RCSD1: variants seen among roughly 807,000 people sequenced by gnomAD.
RCSD1 encodes capZ-interacting protein.
Under a neutral mutation model 42.5 loss-of-function variants are expected in RCSD1, and 26 were observed. The observed-to-expected ratio is 0.61, with a 90% confidence interval of 0.45 to 0.85. RCSD1 has a LOEUF of 0.85. Among genes scored for constraint, RCSD1 ranks in the 40% least tolerant of loss-of-function variants. The pLI is 0.00. For missense variants in RCSD1, 571 were observed against 528.3 expected (o/e 1.08, Z -0.79); for synonymous variants, 220 against 212.2 (o/e 1.04, Z -0.32).
At chr1:167,698,345 T>G (rs1385005967) in intron 6 of RCSD1, among the ~76,000 whole-genome samples, 1 of 152,190 alleles carries the variant, frequency 6.6e-6, no homozygotes, top group Non-Finnish European at 1.5e-5. Flanking sequence ...AAAGTGCAAG[T>G]GTAGCAGAAA....
chr1:167,640,916 A>G (rs572076078), intron 1 of RCSD1, among the ~76,000 whole-genome samples: 2 of 152,174 alleles, frequency 1.3e-5, no homozygotes, highest in South Asian at 4.1e-4. Flanking sequence ...TGCTATCCAT[A>G]TAAAGGTAAA....
chr1:167,666,695 C>A (rs1297514973), intron 1 of RCSD1, among the ~76,000 whole-genome samples: 3 of 152,210 alleles, frequency 2.0e-5, no homozygotes, highest in Non-Finnish European at 4.4e-5. Flanking sequence ...AGAGAGAGGG[C>A]TGGCCATCAG....
intron 1 of RCSD1, among the ~76,000 whole-genome samples, chr1:167,643,725 AAT>A (rs1658061868): frequency 6.6e-6 from 1 of 152,248 alleles, no homozygotes; most frequent in Non-Finnish European, 1.5e-5. Context: ...GTAAAATGGA[AAT>A]AATGATAACA....
Position 167,704,735 on chromosome 1 carries a change from C to G in RCSD1, c.*39C>G. 6.3e-7 allele frequency: 1 copy of G among 1,599,254 alleles called. No individual in the cohort carries two copies. The highest frequency in any genetic ancestry group is 1.1e-5 in the South Asian group (1 of 90,330). ...GTGCCCCAGTGATGAAGTTGCTGGACACATCTCTTTGCAGGTAGCAGCAAC... is the reference window on the plus strand; with the variant it reads ...GTGCCCCAGTGATGAAGTTGCTGGAGACATCTCTTTGCAGGTAGCAGCAAC... On this transcript the variant is annotated 3_prime_UTR_variant, in exon 7 of 7. Transcript: ENST00000367854.
chr1:167,661,543 A>C (rs531641110), intron 1 of RCSD1, among the ~76,000 whole-genome samples: 6 of 152,368 alleles, frequency 3.9e-5, no homozygotes, highest in Non-Finnish European at 8.8e-5. Flanking sequence ...CTCTGGGTGT[A>C]GTGGCTGGAA....
intron 4 of RCSD1, among the ~76,000 whole-genome samples, chr1:167,692,895 TG>T (rs1659409077): frequency 6.6e-6 from 1 of 151,922 alleles, no homozygotes. Flanking sequence ...GGTGGGAAGG[TG>T]GCCAAGGGGA....
intron 3 of RCSD1, among the ~76,000 whole-genome samples, chr1:167,688,262 G>C (rs73033856): frequency 0.049 from 7,457 of 152,234 alleles, 614 homozygotes; most frequent in African/African-American, 0.17. Context: ...TCAGAAATCA[G>C]TGGTCAGCTG....
At chr1:167,667,705 A>G (rs1658693677) in intron 1 of RCSD1, among the ~76,000 whole-genome samples, 1 of 152,184 alleles carries the variant, frequency 6.6e-6, no homozygotes, top group East Asian at 1.9e-4. Flanking sequence ...GGGAGCTTGG[A>G]CAAGTCACTG....
At chr1:167,687,500 G>A (rs1470967212) in intron 3 of RCSD1, among the ~76,000 whole-genome samples, 1 of 150,022 alleles carries the variant, frequency 6.7e-6, no homozygotes, top group African/African-American at 2.5e-5. Context: ...TCCAGCCTGG[G>A]TGACACAGCA....
intron 1 of RCSD1, among the ~76,000 whole-genome samples, chr1:167,653,852 G>A (rs532888187): frequency 1.3e-5 from 2 of 152,254 alleles, no homozygotes; most frequent in African/African-American, 4.8e-5. Context: ...AGGCATTTGA[G>A]GTAGAAGAAC....
rs376542667 is a variant in RCSD1 at position 167,697,432 on chromosome 1, G to A, written c.808G>A (p.Glu270Lys). ...TGAAAAGGCCAGGCGGAGTTCAGAG[G>A]AGGTGGACGGCCAGCACCCGGCCCA... ...NGEKARRSSEEVDGQHPAQEE... is the reference protein window; with the variant it reads ...NGEKARRSSEKVDGQHPAQEE... Residue 270 changes from glutamate to lysine, a missense_variant, in exon 6 of 7, where the codon GAG becomes AAG. Coordinates refer to ENST00000367854, the MANE Select transcript of RCSD1 (RefSeq NM_052862.4). 8 of 1,612,482 alleles carry A rather than the reference G, an allele frequency of 5.0e-6. No homozygotes were observed. Among genetic ancestry groups the A allele is most frequent in the Non-Finnish European group, 6.8e-6 (8 of 1,179,412 alleles).
intron 1 of RCSD1, among the ~76,000 whole-genome samples, chr1:167,644,736 C>T (rs571318215): frequency 3.9e-5 from 6 of 152,110 alleles, no homozygotes; most frequent in Non-Finnish European, 7.3e-5. Flanking sequence ...GTGGGGAGGC[C>T]CCTGCCTAGG....
At chr1:167,635,407 G>A (rs183515262) in intron 1 of RCSD1, among the ~76,000 whole-genome samples, 10 of 152,316 alleles carry the variant, frequency 6.6e-5, no homozygotes, top group Admixed American at 5.9e-4. Context: ...GACGACAGGG[G>A]GAATTTGGGG....
intron 1 of RCSD1, among the ~76,000 whole-genome samples, chr1:167,667,909 G>A (rs1158813008): frequency 6.6e-6 from 1 of 152,038 alleles, no homozygotes; most frequent in African/African-American, 2.4e-5. Flanking sequence ...ACCTACTATG[G>A]GCTAGGGGAT....
At chr1:167,661,594 C>T (rs953232619) in intron 1 of RCSD1, among the ~76,000 whole-genome samples, 1 of 152,230 alleles carries the variant, frequency 6.6e-6, no homozygotes, top group South Asian at 2.1e-4. Flanking sequence ...AAAGCCACAG[C>T]AGCCACCATC....
intron 1 of RCSD1, among the ~76,000 whole-genome samples, chr1:167,662,041 C>T (rs1658552082): frequency 6.6e-6 from 1 of 152,168 alleles, no homozygotes; most frequent in African/African-American, 2.4e-5. Context: ...CAGTCACTCA[C>T]CCTAGGGGAT....
At chr1:167,649,601 T>C (rs1368242841) in intron 1 of RCSD1, among the ~76,000 whole-genome samples, 1 of 152,048 alleles carries the variant, frequency 6.6e-6, no homozygotes, top group African/African-American at 2.4e-5. Context: ...GTTCAAGGAA[T>C]GGATTGGAGA....
In RCSD1 at chr1:167,683,959, G is replaced by C. The variant is rs556705854; in HGVS notation, c.66G>C (p.Gln22His). The C allele has an allele frequency of 6.2e-7, 1 of 1,614,134 alleles. No individual in the cohort carries two copies. Among genetic ancestry groups the C allele is most frequent in the Non-Finnish European group, 8.5e-7 (1 of 1,180,046 alleles). The change falls in exon 2 of 7, where the codon CAG becomes CAC. Residue 22 changes from glutamine to histidine, a missense_variant. By Grantham distance (24) the Gln-to-His change is conservative. Coordinates refer to ENST00000367854, the MANE Select transcript of RCSD1 (RefSeq NM_052862.4). ...ACTCGGCGTCCCCCTCGGTGGCCCA[G>C]CTGGCCGGGCGGTTTAGGGAGCAGG... The part of the protein sequence containing the change: ...VDNSASPSVA[Q>H]LAGRFREQAA...
At position 167,706,578 on chromosome 1, in the gene RCSD1, GA is replaced by G. The variant is rs1328262000; in HGVS notation, c.*1883del. On this transcript the variant is annotated 3_prime_UTR_variant, in exon 7 of 7. Coordinates refer to ENST00000367854, the MANE Select transcript of RCSD1 (RefSeq NM_052862.4). Reference sequence around the variant, plus strand: ...GGTCTAAACATAGTAGCAGACGAGAGAGGGGCAGTAAAAATGACAAGAATGT... The same window carrying G: ...GGTCTAAACATAGTAGCAGACGAGAGGGGGCAGTAAAAATGACAAGAATGT... 9.9e-5 allele frequency among the ~76,000 whole-genome samples: 15 copies of G among 152,172 alleles called. No homozygotes were observed. Among genetic ancestry groups the G allele is most frequent in the African/African-American group, 3.6e-4 (15 of 41,420 alleles).
Sources: allele counts gnomAD v4.1 joint callset (sites outside exome capture counted in the v4.1 genomes callset), GRCh38; gene constraint gnomAD v4.1.1; transcripts MANE v1.5; gene names NCBI Gene and HGNC (gene_info 2026-07-23, HGNC 2026-07-21).